The following FIGN variants were observed in gnomAD, a reference collection of about 807,000 sequenced individuals.
FIGN encodes fidgetin, microtubule severing factor, also known as fidgetin.
Under a neutral mutation model 51.3 loss-of-function variants are expected in FIGN, and 11 were observed. The ratio of observed to expected loss-of-function variants is 0.21; its 90% CI spans 0.13 to 0.35. The LOEUF (loss-of-function observed/expected upper bound fraction) is 0.35, where lower values mean the gene tolerates loss of function less well. FIGN is among the 10% of genes least tolerant of loss of function. FIGN has a pLI of 1.00. For missense variants in FIGN, 857 were observed against 943.6 expected (o/e 0.91, Z 1.20); for synonymous variants, 407 against 363.2 (o/e 1.12, Z -1.37).
chr2:163,717,975 T>C (rs913669712), intron 2 of FIGN, among the ~76,000 whole-genome samples: 1 of 152,118 alleles, frequency 6.6e-6, no homozygotes, highest in Non-Finnish European at 1.5e-5. Context: ...AATTTGTCTA[T>C]GCCAGATGCT....
rs1335422511 is a variant in FIGN at position 163,605,673 on chromosome 2, C to T, written c.*3879G>A. The T allele has an allele frequency of 6.6e-6, 1 of 151,698 alleles. No individual in the cohort carries two copies. The highest frequency in any genetic ancestry group is 1.5e-5 in the Non-Finnish European group (1 of 67,934). The allele number at this position is 151,698 out of a possible 1,614,324, so 9.4% of individuals were successfully genotyped here. ...ATATATTAGAACTTTACTTTAGTGGCCTCAATAGTTCAACAAGCTGCGTCC... is the reference window on the plus strand; with the variant it reads ...ATATATTAGAACTTTACTTTAGTGGTCTCAATAGTTCAACAAGCTGCGTCC... On this transcript the variant is annotated 3_prime_UTR_variant, in exon 3 of 3. Coordinates refer to ENST00000333129, the MANE Select transcript of FIGN (RefSeq NM_018086.4).
intron 2 of FIGN, among the ~76,000 whole-genome samples, chr2:163,617,574 T>C (rs1682900975): frequency 6.6e-6 from 1 of 152,150 alleles, no homozygotes; most frequent in South Asian, 2.1e-4. Flanking sequence ...TTGGATACTA[T>C]TTTGCATAAT....
intron 2 of FIGN, among the ~76,000 whole-genome samples, chr2:163,721,163 T>G (rs1324840319): frequency 6.6e-6 from 1 of 152,104 alleles, no homozygotes; most frequent in Non-Finnish European, 1.5e-5. Flanking sequence ...GGAAAATGGG[T>G]GCATTTTACA....
At chr2:163,658,276 T>A (rs1407653811) in intron 2 of FIGN, among the ~76,000 whole-genome samples, 1 of 151,936 alleles carries the variant, frequency 6.6e-6, no homozygotes, top group Non-Finnish European at 1.5e-5. Flanking sequence ...GGACCCAGGC[T>A]GTGACAACCC....
Position 163,609,334 on chromosome 2 carries a change from CAT to C in FIGN, c.*216_*217del, listed in dbSNP as rs1691178495. On this transcript the variant is annotated 3_prime_UTR_variant, in exon 3 of 3. Transcript: ENST00000333129. ...TAGCTTGAACAGAACTGAGCATCCACATATGCTTTCTGTCATCTGGGGCTTTC... is the reference window on the plus strand; with the variant it reads ...TAGCTTGAACAGAACTGAGCATCCACATGCTTTCTGTCATCTGGGGCTTTC... The C allele has an allele frequency of 1.8e-6, 1 of 568,212 alleles. No homozygotes were observed. The highest frequency in any genetic ancestry group is 3.1e-6 in the Non-Finnish European group (1 of 321,996). 35.2% of individuals were successfully genotyped at this position (568,212 alleles called of 1,614,324 possible). A position where few individuals can be genotyped will look rare whatever the true frequency, so the allele number is the denominator to read the frequency against.
chr2:163,612,224 T>A (rs1691280303), intron 2 of FIGN: 2 of 735,166 alleles, frequency 2.7e-6, no homozygotes, highest in African/African-American at 3.8e-5. Flanking sequence ...ATGGCAGTAT[T>A]AACATGTACA....
intron 2 of FIGN, among the ~76,000 whole-genome samples, chr2:163,654,405 A>C (rs1475927630): frequency 6.6e-6 from 1 of 152,192 alleles, no homozygotes; most frequent in African/African-American, 2.4e-5. Flanking sequence ...GAAAAGATAC[A>C]TTATTGATGA....
chr2:163,625,934 A>G (rs1417637200), intron 2 of FIGN, among the ~76,000 whole-genome samples: 1 of 152,152 alleles, frequency 6.6e-6, no homozygotes. Flanking sequence ...ACAAAAAATA[A>G]CAAGAGACCA....
intron 2 of FIGN, among the ~76,000 whole-genome samples, chr2:163,617,410 C>A (rs1242399020): frequency 6.6e-6 from 1 of 152,006 alleles, no homozygotes; most frequent in Non-Finnish European, 1.5e-5. Context: ...GGTGATGAAA[C>A]CTTTTCAACT....
At chr2:163,689,187 C>CACACACACACAT (rs1220822790) in intron 2 of FIGN, among the ~76,000 whole-genome samples, 6 of 151,742 alleles carry the variant, frequency 4.0e-5, no homozygotes, top group Non-Finnish European at 8.8e-5. Context: ...CACACACACA[C>CACACACACACAT]ACACACACAG....
rs1573976188 is a variant in FIGN, at chr2:163,727,416, T to C, written c.25+7487A>G. The stretch of plus-strand genomic sequence containing the variant: ...AAAAAAATATTCCTAAACTGTGGGG[T>C]AAATTTTTACTTAAATGGGACACTG... On this transcript the variant is annotated intron_variant, in intron 2 of 2. Transcript: ENST00000333129. Among the ~76,000 whole-genome samples, 3 of 151,544 alleles carry C rather than the reference T, an allele frequency of 2.0e-5. No homozygotes were observed. The South Asian group carries it at 6.2e-4, about 32-fold the overall frequency.
At chr2:163,680,483 G>T (rs1240971687) in intron 2 of FIGN, among the ~76,000 whole-genome samples, 2 of 152,128 alleles carry the variant, frequency 1.3e-5, no homozygotes, top group African/African-American at 4.8e-5. Context: ...AGTCATGGGA[G>T]AACAGCCAAG....
chr2:163,675,706 C>CTTTTTTTTTTTTTTTTTT (rs900840520), intron 2 of FIGN, among the ~76,000 whole-genome samples: 91 of 100,494 alleles, frequency 9.1e-4, no homozygotes, highest in East Asian at 1.5e-3. Context: ...TTCTTTCTTT[C>CTTTTTTTTTTTTTTTTTT]TTTTTTTTTT....
rs1025783128 is a variant in FIGN, at chr2:163,605,605, A to T, written c.*3947T>A. The T allele has an allele frequency of 6.6e-6, 1 of 152,040 alleles. No individual in the cohort carries two copies. The highest frequency in any genetic ancestry group is 2.4e-5 in the African/African-American group (1 of 41,422). The allele number at this position is 152,040 out of a possible 1,614,324, so 9.4% of individuals were successfully genotyped here. ...GGTGGTGATGAAAGAACACACACACATACACACATACAAACACACACACTA... is the reference window on the plus strand; with the variant it reads ...GGTGGTGATGAAAGAACACACACACTTACACACATACAAACACACACACTA... On this transcript the variant is annotated 3_prime_UTR_variant, in exon 3 of 3. Coordinates refer to ENST00000333129, the MANE Select transcript of FIGN (RefSeq NM_018086.4).
chr2:163,670,195 C>T (rs757264440), intron 2 of FIGN, among the ~76,000 whole-genome samples: 3 of 152,044 alleles, frequency 2.0e-5, no homozygotes, highest in Non-Finnish European at 4.4e-5. Flanking sequence ...ATTTTAGCTG[C>T]CACAAAGCAT....
At position 163,636,731 on chromosome 2, in the gene FIGN, C is replaced by T. The variant is rs535196412; in HGVS notation, c.26-24925G>A. Among the ~76,000 whole-genome samples the T allele has an allele frequency of 2.0e-5, 3 of 152,160 alleles. No individual in the cohort carries two copies. In the East Asian group the frequency reaches 5.8e-4, roughly 29 times the overall value. ...CATAACACTAGGGATGTATGTAAGA[C>T]TTGAATCCAGAGGAAAACTAACTGT... On this transcript the variant is annotated intron_variant, in intron 2 of 2. Coordinates refer to ENST00000333129, the MANE Select transcript of FIGN (RefSeq NM_018086.4).
intron 2 of FIGN, among the ~76,000 whole-genome samples, chr2:163,718,831 CAG>C (rs969274320): frequency 3.0e-4 from 40 of 131,308 alleles, no homozygotes; most frequent in Admixed American, 2.7e-3. Flanking sequence ...ATATATAAGA[CAG>C]AGAGAGTGAG....
At chr2:163,728,397 AAC>A (rs60526284) in intron 2 of FIGN, among the ~76,000 whole-genome samples, 8,408 of 141,740 alleles carry the variant, frequency 0.059, 256 homozygotes, top group South Asian at 0.12. Context: ...CAAACCATTA[AAC>A]ACACACACAC....
intron 2 of FIGN, among the ~76,000 whole-genome samples, chr2:163,646,269 A>C (rs1248676839): frequency 6.6e-6 from 1 of 152,208 alleles, no homozygotes; most frequent in Non-Finnish European, 1.5e-5. Flanking sequence ...TGTTAACTAA[A>C]AGTAAATTTA....
Sources: allele counts gnomAD v4.1 joint callset (sites outside exome capture counted in the v4.1 genomes callset), GRCh38; gene constraint gnomAD v4.1.1; transcripts MANE v1.5; gene names NCBI Gene and HGNC (gene_info 2026-07-23, HGNC 2026-07-21).